Variants in WNK1 observed in about 807,000 individuals in gnomAD.
WNK1 encodes serine/threonine-protein kinase WNK1.
In WNK1, 38 loss-of-function variants were observed where a neutral mutation model predicts 222.8. That is an observed-to-expected ratio of 0.17 (90% CI 0.13 to 0.22). The LOEUF (loss-of-function observed/expected upper bound fraction) is 0.22. Among genes scored for constraint, WNK1 ranks in the 10% least tolerant of loss-of-function variants. The pLI, the probability that WNK1 is intolerant of heterozygous loss-of-function variation, is 1.00. For missense variants in WNK1, 2,348 were observed against 2,918.4 expected, an observed-to-expected ratio of 0.80 and a Z score of 4.50; for synonymous variants, 1,090 against 1,092.9, an observed-to-expected ratio of 1.00 and a Z score of 0.05.
intron 1 of WNK1, among the ~76,000 whole-genome samples, chr12:776,107 T>TA (rs1360537685): frequency 6.6e-6 from 1 of 152,128 alleles, no homozygotes; most frequent in East Asian, 1.9e-4. Flanking sequence ...GATCATGGCT[T>TA]ACTGCAGCTT....
intron 2 of WNK1, among the ~76,000 whole-genome samples, chr12:820,873 T>C (rs1565476856): frequency 1.3e-5 from 2 of 152,164 alleles, no homozygotes; most frequent in South Asian, 2.1e-4. Flanking sequence ...CTAACTGTTT[T>C]GGCTAGAGCT....
chr12:848,496 C>CTTTTTTTTT (rs10644583), intron 4 of WNK1, among the ~76,000 whole-genome samples: 1,876 of 98,842 alleles, frequency 0.019, 7 homozygotes, highest in East Asian at 0.032. Flanking sequence ...CCAGTAAAAA[C>CTTTTTTTTT]TTTTTTTTTT....
At chr12:839,542 T>G (rs1460979931) in intron 4 of WNK1, among the ~76,000 whole-genome samples, 1 of 152,212 alleles carries the variant, frequency 6.6e-6, no homozygotes, top group African/African-American at 2.4e-5. Flanking sequence ...TGAGCTAACC[T>G]CATTTGTTTT....
At chr12:908,286 A>G in intron 27 of WNK1, 189 bp from the exon 28 acceptor site, 1 of 755,746 alleles carries the variant, frequency 1.3e-6, no homozygotes, top group Non-Finnish European at 2.2e-6. Flanking sequence ...ACAGACACAC[A>G]CGCACATGAC....
Position 908,552 on chromosome 12 carries a change from C to T in WNK1, c.6909C>T (p.Ala2303=). Residue 2303 remains alanine, a synonymous_variant, in exon 28 of 28, where the codon GCC becomes GCT. Transcript: ENST00000315939. ...TGACCTCGAACCTGGGTGGCTCTGC[C>T]CCCATCTCTGCAGCATCAGCTACCT... ...ISMTSNLGGS[A]PISAASATSL... 6.2e-7 allele frequency: 1 copy of T among 1,614,126 alleles called. No homozygotes were observed.
rs775154028 is a variant in WNK1, at chr12:867,981, C to T, written c.2140-3284C>T. On this transcript the variant is annotated intron_variant, in intron 8 of 27. Coordinates refer to ENST00000315939, the MANE Select transcript of WNK1 (RefSeq NM_018979.4). ...TTTTCACCACCTCCCACCTGCCCACCGAAAGTAGCCATTTCCCAGCGGCGT... is the reference window on the plus strand; with the variant it reads ...TTTTCACCACCTCCCACCTGCCCACTGAAAGTAGCCATTTCCCAGCGGCGT... 12 of 1,613,894 alleles carry T rather than the reference C, an allele frequency of 7.4e-6. No homozygotes were observed. In the Admixed American group the frequency reaches 1.2e-4, roughly 16 times the overall value.
intron 1 of WNK1, among the ~76,000 whole-genome samples, chr12:779,397 GT>G (rs5795950): frequency 0.63 from 77,668 of 123,860 alleles, 22,614 homozygotes; most frequent in East Asian, 0.81. Flanking sequence ...TTTCTTTTCT[GT>G]TTTTTTTTTT....
chr12:908,537 C>A lies in WNK1; in HGVS notation c.6894C>A (p.Asn2298Lys). The change falls in exon 28 of 28, where the codon AAC (asparagine) becomes AAA (lysine). Residue 2298 changes from asparagine (N) to lysine (K), a missense_variant. Asn to Lys is a moderately conservative substitution (Grantham distance 94, BLOSUM62 0). This residue lies in a region of WNK1 where 55 missense variants were observed against 104.1 expected (regional missense o/e 0.53). Transcript: ENST00000315939. ...AACTGTGCATCTCCATGACCTCGAA[C>A]CTGGGTGGCTCTGCCCCCATCTCTG... ...PGQLCISMTSNLGGSAPISAA... is the reference protein window; with the variant it reads ...PGQLCISMTSKLGGSAPISAA... 6.2e-7 allele frequency: 1 copy of A among 1,614,142 alleles called. No homozygotes were observed. Among genetic ancestry groups the A allele is most frequent in the Non-Finnish European group, 8.5e-7 (1 of 1,180,026 alleles).
rs72650710 is a variant in WNK1, at chr12:881,163, TG to T, written c.3111+168del. Among the ~76,000 whole-genome samples the T allele has an allele frequency of 2.0e-3, 304 of 152,348 alleles. 1 individual carries two copies. The highest frequency in any genetic ancestry group is 3.7e-3 in the Non-Finnish European group (251 of 68,024). ...CTTACAGCAGAATGAAATGCCAATG[TG>T]GGGTCCTTGTTTCCACTGGCTGTTC... On this transcript the variant is annotated intron_variant, in intron 12 of 27. Coordinates refer to ENST00000315939, the MANE Select transcript of WNK1 (RefSeq NM_018979.4).
At chr12:844,699 A>G (rs1949891309) in intron 4 of WNK1, among the ~76,000 whole-genome samples, 3 of 152,014 alleles carry the variant, frequency 2.0e-5, no homozygotes, top group Non-Finnish European at 4.4e-5. Flanking sequence ...CTCCATTCCC[A>G]TCTTCTGGCT....
At chr12:908,349 GC>G in intron 27 of WNK1, 125 bp from the exon 28 acceptor site, 1 of 1,035,428 alleles carries the variant, frequency 9.7e-7, no homozygotes, top group Non-Finnish European at 1.5e-6. Context: ...AATATAAAGA[GC>G]CAATAAATAC....
intron 8 of WNK1, chr12:865,342 T>C: frequency 6.5e-7 from 1 of 1,536,186 alleles, no homozygotes; most frequent in Non-Finnish European, 8.7e-7. Context: ...CGCTCCAGCC[T>C]GCCTTCCCTC....
chr12:822,959 C>G (rs1948027668), intron 2 of WNK1, among the ~76,000 whole-genome samples: 1 of 152,168 alleles, frequency 6.6e-6, no homozygotes, highest in African/African-American at 2.4e-5. Flanking sequence ...CTGTCAAACT[C>G]TTCCAGCTTT....
rs1407334671 is a variant in WNK1, at chr12:873,759, TA to T, written c.2223+2412del. On this transcript the variant is annotated intron_variant, in intron 9 of 27. Transcript: ENST00000315939. ...TTGTACTATATGGATAGTCTATTTTTAGACATGATTTTTGTTTTACGTACTT... is the reference window on the plus strand; with the variant it reads ...TTGTACTATATGGATAGTCTATTTTTGACATGATTTTTGTTTTACGTACTT... Among the ~76,000 whole-genome samples, 3 of 152,312 alleles carry T rather than the reference TA, an allele frequency of 2.0e-5. No individual in the cohort carries two copies. The East Asian group carries it at 5.8e-4, about 29-fold the overall frequency.
intron 1 of WNK1, among the ~76,000 whole-genome samples, chr12:767,824 ACCTC>A: frequency 6.6e-6 from 1 of 151,982 alleles, no homozygotes; most frequent in Admixed American, 6.6e-5. Context: ...ACTTCTACAC[ACCTC>A]TTACCTCCCT....
In WNK1 at chr12:827,497, T is replaced by TA; in HGVS notation, c.1153+239dup. 1 of 578,566 alleles carries TA rather than the reference T, an allele frequency of 1.7e-6. No individual in the cohort carries two copies. The highest frequency in any genetic ancestry group is 3.1e-6 in the Non-Finnish European group (1 of 327,126). The allele number at this position is 578,566 out of a possible 1,614,324, so 35.8% of individuals were successfully genotyped here. A position where few individuals can be genotyped will look rare whatever the true frequency, so the allele number is the denominator to read the frequency against. On this transcript the variant is annotated intron_variant, in intron 3 of 27. Transcript: ENST00000315939. The surrounding 1 kb of genome is among the most constrained non-coding windows in gnomAD (Gnocchi z 4.6). ...CAAGAAATAAAGTGAACTTTGTTGA[T>TA]AAAACCTAATGTAATAGCCTTTTTT...
Position 886,067 on chromosome 12 carries a change from C to A in WNK1, c.5263C>A (p.Pro1755Thr), listed in dbSNP as rs374559191. 1.5e-5 allele frequency: 24 copies of A among 1,606,016 alleles called. No individual in the cohort carries two copies. The highest frequency in any genetic ancestry group is 2.0e-5 in the Non-Finnish European group (24 of 1,177,850). The change falls in exon 19 of 28, where the codon CCT becomes ACT. Residue 1755 changes from proline to threonine, a missense_variant. Around this residue, in one of 13 missense-constraint regions of WNK1, gnomAD observed 1,144 missense variants for 1,273.6 expected, o/e 0.90. Coordinates refer to ENST00000315939, the MANE Select transcript of WNK1 (RefSeq NM_018979.4). ...ACCTGGAACTGCTCCCTCCAAGCCA[C>A]CTCTAACTAAGGCTCCGGTAAAATT... ...VKPGTAPSKP[P>T]LTKAPVLPVG...
In WNK1 at chr12:881,970, G is replaced by A; in HGVS notation, c.3269G>A (p.Ser1090Asn). 9 of 1,614,140 alleles carry A rather than the reference G, an allele frequency of 5.6e-6. No homozygotes were observed. The highest frequency in any genetic ancestry group is 7.6e-6 in the Non-Finnish European group (9 of 1,180,012). Residue 1090 changes from serine to asparagine, a missense_variant, in exon 14 of 28, where the codon AGT (serine) becomes AAT (asparagine). Coordinates refer to ENST00000315939, the MANE Select transcript of WNK1 (RefSeq NM_018979.4). ...GGCAATGAGAACGTCCCATCTTCCA[G>A]TGGAAGGCATGAAGGAAGAACTACA... is the stretch of plus-strand genomic sequence containing the variant. ...SDGNENVPSS[S>N]GRHEGRTTKR...
rs137980057 is a variant in WNK1 at position 814,809 on chromosome 12, T to C, written c.932+995T>C. ...CATTTATTGTGCACTCTATTTCTAT[T>C]ATTATTACATTAAAATATATAATGA... On this transcript the variant is annotated intron_variant, in intron 2 of 27. Coordinates refer to ENST00000315939, the MANE Select transcript of WNK1 (RefSeq NM_018979.4). Among the ~76,000 whole-genome samples, 606 of 152,318 alleles carry C rather than the reference T, an allele frequency of 4.0e-3. 4 individuals carry two copies. The highest frequency in any genetic ancestry group is 0.032 in the South Asian group (152 of 4,824).
Sources: gnomAD v4.1 joint callset for allele counts (sites outside exome capture counted in the v4.1 genomes callset) on GRCh38, gnomAD v4.1.1 for gene constraint, gnomAD v4.1.1 regional missense constraint, Gnocchi (gnomAD v3.1) non-coding constraint, MANE v1.5 for transcripts, NCBI Gene and HGNC (gene_info 2026-07-23, HGNC 2026-07-21) for gene names.